The following ARHGEF26 variants were observed in gnomAD, a reference collection of about 807,000 sequenced individuals.
ARHGEF26 encodes the protein Rho guanine nucleotide exchange factor 26.
Under a neutral mutation model 89.4 loss-of-function variants are expected in ARHGEF26, and 59 were observed. The ratio of observed to expected loss-of-function variants is 0.66; its 90% CI spans 0.54 to 0.82. The LOEUF (loss-of-function observed/expected upper bound fraction) is 0.82. ARHGEF26 is among the 40% of genes least tolerant of loss of function. ARHGEF26 has a pLI of 0.00. For missense variants in ARHGEF26, 1,234 were observed against 1,085.6 expected (o/e 1.14, Z -1.92); for synonymous variants, 500 against 428.4 (o/e 1.17, Z -2.06).
intron 6 of ARHGEF26, among the ~76,000 whole-genome samples, chr3:154,161,678 G>A (rs1727947): frequency 0.91 from 138,312 of 152,230 alleles, 63,052 homozygotes; most frequent in East Asian, 1. Context: ...ATTTTTAAAG[G>A]TAGTTGTGGC....
At chr3:154,219,936 C>CAA (rs1553749159) in intron 10 of ARHGEF26, among the ~76,000 whole-genome samples, 2 of 13,004 alleles carry the variant, frequency 1.5e-4, no homozygotes, top group African/African-American at 5.2e-4. Context: ...AAACAAAAAA[C>CAA]AAACAAAAAA....
intron 9 of ARHGEF26, among the ~76,000 whole-genome samples, chr3:154,197,274 C>G (rs543849105): frequency 6.6e-6 from 1 of 152,250 alleles, no homozygotes; most frequent in African/African-American, 2.4e-5. Context: ...TTGATATAGT[C>G]AGCTCAATAA....
Position 154,137,827 on chromosome 3 carries a change from AAG to A in ARHGEF26, c.1269+8110_1269+8111del, listed in dbSNP as rs1371910897. 1.8e-3 allele frequency among the ~76,000 whole-genome samples: 254 copies of A among 143,538 alleles called. 1 individual carries two copies. The highest frequency in any genetic ancestry group is 3.2e-3 in the Non-Finnish European group (206 of 65,322). 94.2% of individuals were successfully genotyped at this position (143,538 alleles called of 152,430 possible). A position where few individuals can be genotyped will look rare whatever the true frequency, so the allele number is the denominator to read the frequency against. The stretch of plus-strand genomic sequence containing the variant: ...CCCCTATCTCTTAAAAAAAAAAAAA[AAG>A]AAGAAGAGAAGAAGAAGAATTGGGA... On this transcript the variant is annotated intron_variant, in intron 4 of 14. Transcript: ENST00000465093.
In ARHGEF26 at chr3:154,256,916, A is replaced by T; in HGVS notation, c.*1443A>T. 6.5e-7 allele frequency: 1 copy of T among 1,534,888 alleles called. No individual in the cohort carries two copies. The highest frequency in any genetic ancestry group is 8.7e-7 in the Non-Finnish European group (1 of 1,146,384). Reference sequence around the variant, plus strand: ...TTAATAGTCGGTTTCATGGAGATGAAGGATGGGAGATTAAGAGGGGGGAAA... The same window carrying T: ...TTAATAGTCGGTTTCATGGAGATGATGGATGGGAGATTAAGAGGGGGGAAA... On this transcript the variant is annotated 3_prime_UTR_variant, in exon 15 of 15. Coordinates refer to ENST00000465093, the MANE Select transcript of ARHGEF26 (RefSeq NM_015595.4).
chr3:154,121,620 C>G (rs748238062), intron 1 of ARHGEF26, 101 bp downstream of exon 1: 4 of 221,046 alleles, frequency 1.8e-5, no homozygotes, highest in African/African-American at 6.8e-5. Context: ...GGCGAGTTTC[C>G]CAAGAAAGCT....
At chr3:154,167,387 T>C (rs775625203) in intron 6 of ARHGEF26, among the ~76,000 whole-genome samples, 46 of 152,286 alleles carry the variant, frequency 3.0e-4, no homozygotes, top group Non-Finnish European at 6.3e-4. Context: ...ATGGGGGAAC[T>C]GAGGAAGTGA....
rs201150057 is a variant in ARHGEF26 at position 154,186,886 on chromosome 3, C to CTTTTTTTTTTTTTTTTTTTTTTTTTTTT, written c.1488-798_1488-771dup. The stretch of plus-strand genomic sequence containing the variant: ...CATATACTGTTAGATTTATTTCAGA[C>CTTTTTTTTTTTTTTTTTTTTTTTTTTTT]TTTTTTTTTTTTTTTTTTTTTTTTT... On this transcript the variant is annotated intron_variant, in intron 6 of 14. Coordinates refer to ENST00000465093, the MANE Select transcript of ARHGEF26 (RefSeq NM_015595.4). Among the ~76,000 whole-genome samples, 3 of 82,042 alleles carry CTTTTTTTTTTTTTTTTTTTTTTTTTTTT rather than the reference C, an allele frequency of 3.7e-5. 1 individual carries two copies. Among genetic ancestry groups the CTTTTTTTTTTTTTTTTTTTTTTTTTTTT allele is most frequent in the African/African-American group, 1.4e-4 (3 of 21,132 alleles). The allele number at this position is 82,042 out of a possible 152,430, so 53.8% of individuals were successfully genotyped here.
chr3:154,121,103 T>A (rs577226654), upstream of ARHGEF26: 1 of 152,300 alleles, frequency 6.6e-6, no homozygotes, highest in South Asian at 2.1e-4. Flanking sequence ...AAGCTGCAAT[T>A]CAGCAGGGCT....
chr3:154,148,864 A>G lies in ARHGEF26; in HGVS notation c.1270-525A>G, dbSNP rs568568549. ...CAGGATGGTGGGTAAAGCTAAGAAC[A>G]TTCCAAGATACATGTGGACCAAAAA... On this transcript the variant is annotated intron_variant, in intron 4 of 14. Transcript: ENST00000465093. Among the ~76,000 whole-genome samples, 23 of 152,304 alleles carry G rather than the reference A, an allele frequency of 1.5e-4. 1 individual carries two copies. The highest frequency in any genetic ancestry group is 5.3e-4 in the African/African-American group (22 of 41,560).
intron 6 of ARHGEF26, among the ~76,000 whole-genome samples, chr3:154,173,867 G>A (rs1342941734): frequency 2.6e-5 from 4 of 151,804 alleles, no homozygotes; most frequent in Non-Finnish European, 4.4e-5. Context: ...CATAAATTTG[G>A]AGAGTTGAAA....
At position 154,152,798 on chromosome 3, in the gene ARHGEF26, A is replaced by G; in HGVS notation, c.1353A>G (p.Glu451=). The change falls in exon 6 of 15, where the codon GAA becomes GAG. Residue 451 remains glutamate (E), a synonymous_variant. Transcript: ENST00000465093. ...CTATCTTTGAAGTCATATCCTCTGA[A>G]CATTCATATTTACTCAGCTTGGAGA... is the stretch of plus-strand genomic sequence containing the variant. ...QEAIFEVISS[E]HSYLLSLEIL... is the part of the protein sequence containing the mutation. 1.3e-6 allele frequency: 2 copies of G among 1,551,928 alleles called. No homozygotes were observed. The highest frequency in any genetic ancestry group is 2.4e-5 in the South Asian group (2 of 81,664).
intron 12 of ARHGEF26, among the ~76,000 whole-genome samples, chr3:154,252,734 A>G (rs761113737): frequency 6.6e-6 from 1 of 152,182 alleles, no homozygotes; most frequent in Non-Finnish European, 1.5e-5. Context: ...GAAGCAGAGA[A>G]ATTAGTAGGA....
At chr3:154,124,371 C>CTT (rs1718189077) in intron 2 of ARHGEF26, 39 bp from the exon 3 acceptor site, 2 of 977,594 alleles carry the variant, frequency 2.0e-6, no homozygotes, top group African/African-American at 2.5e-5. Context: ...GTTTGCTTTT[C>CTT]CTTTTTTTTT....
At chr3:154,204,115 A>T (rs1189993236) in intron 9 of ARHGEF26, among the ~76,000 whole-genome samples, 2 of 152,050 alleles carry the variant, frequency 1.3e-5, no homozygotes, top group African/African-American at 4.8e-5. Flanking sequence ...CAGTGAGGCC[A>T]TTGAGTGTCA....
chr3:154,218,972 A>T (rs1439465430), intron 10 of ARHGEF26, among the ~76,000 whole-genome samples: 1 of 152,184 alleles, frequency 6.6e-6, no homozygotes, highest in Admixed American at 6.5e-5. Context: ...TTCTGACTCT[A>T]ATGGTTTAGA....
intron 11 of ARHGEF26, among the ~76,000 whole-genome samples, chr3:154,227,044 C>T (rs1716535645): frequency 6.6e-6 from 1 of 152,112 alleles, no homozygotes; most frequent in African/African-American, 2.4e-5. Context: ...TAAATTAAAA[C>T]AGATTGAGTT....
chr3:154,166,103 G>A (rs1239416233), intron 6 of ARHGEF26, among the ~76,000 whole-genome samples: 1 of 152,066 alleles, frequency 6.6e-6, no homozygotes, highest in Admixed American at 6.6e-5. Flanking sequence ...GTACAGTGGC[G>A]TGATCTTGGC....
intron 3 of ARHGEF26, among the ~76,000 whole-genome samples, chr3:154,127,388 A>G (rs1381244879): frequency 6.6e-6 from 1 of 152,148 alleles, no homozygotes; most frequent in Non-Finnish European, 1.5e-5. Flanking sequence ...TTTCATTTTT[A>G]CTTTTTAAAT....
intron 5 of ARHGEF26, among the ~76,000 whole-genome samples, chr3:154,150,600 T>A (rs1024230534): frequency 3.3e-5 from 5 of 152,222 alleles, no homozygotes; most frequent in African/African-American, 1.2e-4. Context: ...TACTCTAGTC[T>A]ATGAACACCA....
Sources: allele counts gnomAD v4.1 joint callset (sites outside exome capture counted in the v4.1 genomes callset), GRCh38; gene constraint gnomAD v4.1.1; transcripts MANE v1.5; gene names NCBI Gene and HGNC (gene_info 2026-07-23, HGNC 2026-07-21).